Variants in AP3B1 observed in about 807,000 individuals in gnomAD.
The protein encoded by AP3B1 is AP-3 complex subunit beta-1.
A neutral mutation model predicts 132.5 loss-of-function variants in AP3B1; 61 were observed. That is an observed-to-expected ratio of 0.46 (90% CI 0.37 to 0.57). The LOEUF (loss-of-function observed/expected upper bound fraction) is 0.57. AP3B1 is among the 20% of genes least tolerant of loss of function. The pLI is 0.00. For synonymous variants in AP3B1, 388 were observed against 438.3 expected (o/e 0.89, Z 1.43); for missense variants, 1,120 against 1,289.4 (o/e 0.87, Z 2.01).
Position 78,110,273 on chromosome 5 carries a change from G to A in AP3B1, c.2331C>T (p.Asp777=), listed in dbSNP as rs1381317092. The A allele has an allele frequency of 1.9e-6, 3 of 1,609,010 alleles. No individual in the cohort carries two copies. The Admixed American group carries it at 5.0e-5, about 27-fold the overall frequency. ...SSNDESSSIE[D]SSSDSESESE... is the part of the protein sequence containing the mutation. ...ACTCTGATTCAGAATCGGAAGAACT[G>A]TCTTCTATTGAACTAGATTCGTCAT... is the stretch of plus-strand genomic sequence containing the variant. The change falls in exon 20 of 27, where the codon GAC becomes GAT. Residue 777 remains aspartate, a synonymous_variant. Transcript: ENST00000255194.
intron 18 of AP3B1, among the ~76,000 whole-genome samples, chr5:78,115,074 A>G (rs1751766667): frequency 6.6e-6 from 1 of 152,230 alleles, no homozygotes; most frequent in Admixed American, 6.5e-5. Context: ...ATCATTTACA[A>G]ACAGGAAAGT....
chr5:78,168,289 T>C (rs898579256), intron 11 of AP3B1, among the ~76,000 whole-genome samples: 9 of 151,420 alleles, frequency 5.9e-5, no homozygotes, highest in Middle Eastern at 3.4e-3. Context: ...AGTGGTATGA[T>C]CATGGCTCAC....
intron 23 of AP3B1, among the ~76,000 whole-genome samples, chr5:78,035,024 A>AT (rs1420155554): frequency 6.6e-6 from 1 of 151,972 alleles, no homozygotes; most frequent in African/African-American, 2.4e-5. Context: ...ACTCAAAAAA[A>AT]TTTGTGGCAG....
chr5:78,123,682 A>C (rs1464212754), intron 17 of AP3B1, among the ~76,000 whole-genome samples: 3 of 152,102 alleles, frequency 2.0e-5, no homozygotes, highest in Non-Finnish European at 4.4e-5. Flanking sequence ...GGCAATCATT[A>C]AAAAGTCAGG....
At chr5:78,182,409 C>T (rs980538072) in intron 7 of AP3B1, among the ~76,000 whole-genome samples, 3 of 152,210 alleles carry the variant, frequency 2.0e-5, no homozygotes, top group Admixed American at 1.3e-4. Flanking sequence ...TTCCCCATCT[C>T]TCTCACTAAG....
At chr5:78,216,293 G>C (rs1745959208) in intron 6 of AP3B1, 56 bp from the exon 7 acceptor site, 5 of 1,502,130 alleles carry the variant, frequency 3.3e-6, no homozygotes, top group Non-Finnish European at 4.6e-6. Context: ...TACATCAAAG[G>C]TCTTACTCAG....
In AP3B1 at chr5:78,116,109, T is replaced by A; in HGVS notation, c.2077+17A>T. Reference sequence around the variant, plus strand: ...CTACTATGTAAATAATATATGCCAATAAATTATAAAACCCACCACTGTCAC... The same window carrying A: ...CTACTATGTAAATAATATATGCCAAAAAATTATAAAACCCACCACTGTCAC... On this transcript the variant is annotated intron_variant, in intron 18 of 26. Transcript: ENST00000255194. 6.4e-7 allele frequency: 1 copy of A among 1,557,834 alleles called. No individual in the cohort carries two copies. Among genetic ancestry groups the A allele is most frequent in the Non-Finnish European group, 8.9e-7 (1 of 1,128,976 alleles).
At position 78,087,507 on chromosome 5, in the gene AP3B1, T is replaced by A. The variant is rs1750312571; in HGVS notation, c.2577+1886A>T. 10 of 981,072 alleles carry A rather than the reference T, an allele frequency of 1.0e-5. No individual in the cohort carries two copies. The South Asian group carries it at 4.2e-4, about 42-fold the overall frequency. The allele number at this position is 981,072 out of a possible 1,614,324, so 60.8% of individuals were successfully genotyped here. A position where few individuals can be genotyped will look rare whatever the true frequency, so the allele number is the denominator to read the frequency against. On this transcript the variant is annotated intron_variant, in intron 22 of 26. Coordinates refer to ENST00000255194, the MANE Select transcript of AP3B1 (RefSeq NM_003664.5). ...GTTTAAAGTTCTATTCCTGTCCATA[T>A]TTTATTGTTGCTGGTGAACTTCTGG...
chr5:78,238,911 T>C (rs560329167), intron 3 of AP3B1, among the ~76,000 whole-genome samples: 2 of 150,050 alleles, frequency 1.3e-5, no homozygotes, highest in East Asian at 3.9e-4. Context: ...GCTGCAACTA[T>C]ACGCTGTCAA....
chr5:78,049,166 C>T (rs369475632), intron 22 of AP3B1, among the ~76,000 whole-genome samples: 190 of 152,252 alleles, frequency 1.2e-3, no homozygotes, highest in African/African-American at 4.4e-3. Context: ...TTCTGTATTG[C>T]GGTTAGAGAG....
intron 8 of AP3B1, 110 bp from the exon 9 acceptor site, chr5:78,177,546 G>A (rs776083374): frequency 4.2e-5 from 35 of 839,456 alleles, no homozygotes; most frequent in Non-Finnish European, 6.7e-5. Flanking sequence ...TTCCTGTGAC[G>A]TAAAATGGAA....
intron 1 of AP3B1, among the ~76,000 whole-genome samples, chr5:78,268,352 A>C (rs956994726): frequency 6.6e-6 from 1 of 152,190 alleles, no homozygotes; most frequent in African/African-American, 2.4e-5. Context: ...TTTATAATGA[A>C]AAACCTAAAC....
In AP3B1 at chr5:78,286,847, T is replaced by A. The variant is rs149451524; in HGVS notation, c.128+7605A>T. On this transcript the variant is annotated intron_variant, in intron 1 of 26. Transcript: ENST00000255194. ...TATTAAGTCTTTCCAGCTGATAGGC[T>A]AAATAAGCCTTCTCTAAATACACGA... 3.2e-3 allele frequency among the ~76,000 whole-genome samples: 483 copies of A among 152,330 alleles called. 2 individuals carry two copies. Among genetic ancestry groups the A allele is most frequent in the African/African-American group, 0.011 (460 of 41,572 alleles).
At chr5:78,284,113 T>C (rs115715159) in intron 1 of AP3B1, among the ~76,000 whole-genome samples, 6,634 of 152,292 alleles carry the variant, frequency 0.044, 185 homozygotes, top group Middle Eastern at 0.099. Context: ...ATCACTTATC[T>C]GCATTATCCA....
intron 3 of AP3B1, among the ~76,000 whole-genome samples, chr5:78,235,650 G>A (rs564611940): frequency 1.3e-4 from 20 of 152,292 alleles, no homozygotes; most frequent in African/African-American, 3.1e-4. Context: ...TTAAAGCTCC[G>A]TGACTACATC....
chr5:78,103,356 T>C (rs368956482), intron 20 of AP3B1, among the ~76,000 whole-genome samples: 1 of 152,188 alleles, frequency 6.6e-6, no homozygotes, highest in Non-Finnish European at 1.5e-5. Context: ...GCATAATTCA[T>C]GTGCTCCGCC....
rs144851011 is a variant in AP3B1, at chr5:78,169,841, T to C, written c.1168-4169A>G. 1.1e-4 allele frequency among the ~76,000 whole-genome samples: 17 copies of C among 152,230 alleles called. No individual in the cohort carries two copies. The East Asian group carries it at 3.3e-3, about 29-fold the overall frequency. ...ATACATAGGTATACATGTGCCATGTTGGTTTGCTGCACCCAACAACTCGTC... is the reference window on the plus strand; with the variant it reads ...ATACATAGGTATACATGTGCCATGTCGGTTTGCTGCACCCAACAACTCGTC... On this transcript the variant is annotated intron_variant, in intron 11 of 26. Coordinates refer to ENST00000255194, the MANE Select transcript of AP3B1 (RefSeq NM_003664.5).
At chr5:78,193,765 TATATA>T (rs1240433037) in intron 7 of AP3B1, among the ~76,000 whole-genome samples, 27 of 126,774 alleles carry the variant, frequency 2.1e-4, no homozygotes, top group Non-Finnish European at 2.8e-4. Flanking sequence ...TATATATATA[TATATA>T]TTTTTTTTTT....
At chr5:78,250,591 T>C (rs1747588451) in intron 2 of AP3B1, among the ~76,000 whole-genome samples, 1 of 152,108 alleles carries the variant, frequency 6.6e-6, no homozygotes, top group Admixed American at 6.5e-5. Flanking sequence ...TAATGCTTTC[T>C]GAGGATGACT....
Sources: allele counts gnomAD v4.1 joint callset (sites outside exome capture counted in the v4.1 genomes callset), GRCh38; gene constraint gnomAD v4.1.1; transcripts MANE v1.5; gene names NCBI Gene and HGNC (gene_info 2026-07-23, HGNC 2026-07-21).